STAT4: variants seen among roughly 807,000 people sequenced by gnomAD.
The protein encoded by STAT4 is signal transducer and activator of transcription 4.
A neutral mutation model predicts 110.5 loss-of-function variants in STAT4; 42 were observed. The observed-to-expected ratio is 0.38, with a 90% confidence interval of 0.30 to 0.49. The LOEUF (loss-of-function observed/expected upper bound fraction) is 0.49. STAT4 is among the 20% of genes least tolerant of loss of function. STAT4 has a pLI of 0.95. For missense variants in STAT4, 632 were observed against 887.9 expected, an observed-to-expected ratio of 0.71 and a Z score of 3.66; for synonymous variants, 284 against 302.2, an observed-to-expected ratio of 0.94 and a Z score of 0.63.
rs896756797 is a variant in STAT4 at position 191,150,149 on chromosome 2, A to T, written c.-2+798T>A. On this transcript the variant is annotated intron_variant, in intron 1 of 23. Coordinates refer to ENST00000392320, the MANE Select transcript of STAT4 (RefSeq NM_003151.4). The surrounding 1 kb of genome is among the most constrained non-coding windows in gnomAD (Gnocchi z 6.4). ...GTCAAATGAAAATAAAAGGAAAATT[A>T]AAAAAAATAAAAATAAACACCGAAA... Among the ~76,000 whole-genome samples, 3 of 151,984 alleles carry T rather than the reference A, an allele frequency of 2.0e-5. No individual in the cohort carries two copies. The highest frequency in any genetic ancestry group is 4.4e-5 in the Non-Finnish European group (3 of 67,904).
intron 14 of STAT4, among the ~76,000 whole-genome samples, chr2:191,054,254 C>A (rs1028969679): frequency 9.9e-5 from 15 of 151,472 alleles, no homozygotes; most frequent in Admixed American, 8.5e-4. Flanking sequence ...ATGATGTATA[C>A]CAAGATGTTA....
Position 191,050,722 on chromosome 2 carries a change from A to G in STAT4, c.1251+3768T>C, listed in dbSNP as rs911328912. On this transcript the variant is annotated intron_variant, in intron 14 of 23. Transcript: ENST00000392320. The surrounding 1 kb of genome is among the most constrained non-coding windows in gnomAD (Gnocchi z 4.3). ...GGAGCCAGAGCTCCACATTTCCCCAACCCCCAGGGCAAATGGGGTTCCTGA... is the reference window on the plus strand; with the variant it reads ...GGAGCCAGAGCTCCACATTTCCCCAGCCCCCAGGGCAAATGGGGTTCCTGA... Among the ~76,000 whole-genome samples the G allele has an allele frequency of 6.6e-6, 1 of 151,990 alleles. No homozygotes were observed. Among genetic ancestry groups the G allele is most frequent in the African/African-American group, 2.4e-5 (1 of 41,378 alleles).
rs574811611 is a variant in STAT4, at chr2:191,138,309, T to C, written c.273+8304A>G. ...AAAACAAAAAAATACAAAAGATAAATGAAACAAAAAGCATGTTATTTGAAA... is the reference window on the plus strand; with the variant it reads ...AAAACAAAAAAATACAAAAGATAAACGAAACAAAAAGCATGTTATTTGAAA... On this transcript the variant is annotated intron_variant, in intron 3 of 23. Coordinates refer to ENST00000392320, the MANE Select transcript of STAT4 (RefSeq NM_003151.4). This position sits in a 1 kb window ranked among gnomAD's most constrained non-coding sequence, Gnocchi z 4.3. 5.3e-5 allele frequency among the ~76,000 whole-genome samples: 8 copies of C among 151,048 alleles called. No homozygotes were observed. In the East Asian group the frequency reaches 1.4e-3, roughly 26 times the overall value.
At chr2:191,054,378 G>T in intron 14 of STAT4, 112 bp downstream of exon 14, 4 of 909,084 alleles carry the variant, frequency 4.4e-6, no homozygotes, top group Non-Finnish European at 6.7e-6. Flanking sequence ...TCTATAATGA[G>T]AAAAACATGA....
At chr2:191,094,615 G>A (rs1009814196) in intron 3 of STAT4, among the ~76,000 whole-genome samples, 6 of 152,050 alleles carry the variant, frequency 3.9e-5, no homozygotes, top group East Asian at 3.8e-4. Flanking sequence ...GGGAACAACC[G>A]GTACCAGCCA....
At chr2:191,101,454 G>A (rs1698148131) in intron 3 of STAT4, among the ~76,000 whole-genome samples, 1 of 151,952 alleles carries the variant, frequency 6.6e-6, no homozygotes, top group African/African-American at 2.4e-5. Flanking sequence ...TGTTTAAAAG[G>A]AATAAAAGAA....
chr2:191,068,161 G>A (rs1243333151), intron 6 of STAT4: 1 of 152,092 alleles, frequency 6.6e-6, no homozygotes, highest in Non-Finnish European at 1.5e-5. Flanking sequence ...GTGGATTCAG[G>A]TGATAAAAAT....
intron 15 of STAT4, among the ~76,000 whole-genome samples, chr2:191,040,018 A>C (rs753413638): frequency 3.3e-5 from 5 of 152,230 alleles, no homozygotes; most frequent in African/African-American, 9.6e-5. Context: ...GAGGTGAGGA[A>C]GGAATCTATG....
intron 3 of STAT4, among the ~76,000 whole-genome samples, chr2:191,131,254 C>T (rs115170067): frequency 0.011 from 1,603 of 151,942 alleles, 85 homozygotes; most frequent in African/African-American, 0.037. Flanking sequence ...CCCCAAGGGA[C>T]ACACCATAAG....
chr2:191,039,000 A>G (rs1696117330), intron 16 of STAT4, among the ~76,000 whole-genome samples, 199 bp downstream of exon 16: 1 of 152,174 alleles, frequency 6.6e-6, no homozygotes, highest in Non-Finnish European at 1.5e-5. Context: ...TGCTAGCAGA[A>G]TTCTCTCAGG....
rs564609940 is a variant in STAT4 at position 191,112,176 on chromosome 2, C to G, written c.273+34437G>C. Among the ~76,000 whole-genome samples the G allele has an allele frequency of 6.6e-6, 1 of 152,108 alleles. No individual in the cohort carries two copies. Among genetic ancestry groups the G allele is most frequent in the Non-Finnish European group, 1.5e-5 (1 of 67,988 alleles). ...TAAGGTTGTTAGAAATTATCATAAA[C>G]TACATGTTTTTGGAGAAATAAAAAG... On this transcript the variant is annotated intron_variant, in intron 3 of 23. Transcript: ENST00000392320. The surrounding 1 kb of genome is among the most constrained non-coding windows in gnomAD (Gnocchi z 4.3).
chr2:191,124,539 C>T (rs928642448), intron 3 of STAT4, among the ~76,000 whole-genome samples: 2 of 151,408 alleles, frequency 1.3e-5, no homozygotes, highest in Admixed American at 6.6e-5. Flanking sequence ...GATGAATGCA[C>T]TCAAAGAGCT....
chr2:191,124,923 G>T (rs1360661895), intron 3 of STAT4, among the ~76,000 whole-genome samples: 1 of 152,076 alleles, frequency 6.6e-6, no homozygotes, highest in Non-Finnish European at 1.5e-5. Context: ...CATGCCTCCA[G>T]TTGCACCACT....
intron 3 of STAT4, among the ~76,000 whole-genome samples, chr2:191,129,231 G>A (rs149717302): frequency 6.0e-4 from 92 of 152,168 alleles, no homozygotes; most frequent in African/African-American, 2.1e-3. Flanking sequence ...ATAAAAGCAT[G>A]CAATGAAATT....
intron 3 of STAT4, among the ~76,000 whole-genome samples, chr2:191,130,760 C>A (rs541583616): frequency 6.6e-6 from 1 of 151,654 alleles, no homozygotes; most frequent in Admixed American, 6.6e-5. Context: ...CTTATCTGTG[C>A]ATTTAAAAGC....
At chr2:191,094,917 C>CAAAAAAAAAA (rs1165913847) in intron 3 of STAT4, among the ~76,000 whole-genome samples, 3 of 77,912 alleles carry the variant, frequency 3.9e-5, no homozygotes, top group African/African-American at 1.2e-4. Flanking sequence ...AAATGGAAAG[C>CAAAAAAAAAA]AAAAAAAAAA....
chr2:191,046,467 G>T lies in STAT4; in HGVS notation c.1252-5319C>A, dbSNP rs553401353. Among the ~76,000 whole-genome samples the T allele has an allele frequency of 6.6e-6, 1 of 152,218 alleles. No individual in the cohort carries two copies. The highest frequency in any genetic ancestry group is 2.4e-5 in the African/African-American group (1 of 41,512). ...TGTGCCTAGATATGTTTGCACTGAA[G>T]GTGTCATCTGTGCTTGGGAGAGTAG... On this transcript the variant is annotated intron_variant, in intron 14 of 23. Transcript: ENST00000392320. This position sits in a 1 kb window ranked among gnomAD's most constrained non-coding sequence, Gnocchi z 4.6.
intron 16 of STAT4, among the ~76,000 whole-genome samples, chr2:191,038,283 A>AT (rs1696098546): frequency 6.6e-6 from 1 of 152,104 alleles, no homozygotes; most frequent in South Asian, 2.1e-4. Context: ...CCTCTCTGCA[A>AT]TTAATTTGTC....
intron 1 of STAT4, 107 bp from the exon 2 acceptor site, chr2:191,148,311 T>C: frequency 2.9e-6 from 4 of 1,361,274 alleles, no homozygotes; most frequent in Non-Finnish European, 3.9e-6. Context: ...AATTCCAATA[T>C]ATCCAAGGAT....
Sources: allele counts gnomAD v4.1 joint callset (sites outside exome capture counted in the v4.1 genomes callset), GRCh38; gene constraint gnomAD v4.1.1; non-coding constraint Gnocchi (gnomAD v3.1); transcripts MANE v1.5; gene names NCBI Gene and HGNC (gene_info 2026-07-23, HGNC 2026-07-21).